Variants in IFT20 observed in about 807,000 individuals in gnomAD.
IFT20 encodes the protein intraflagellar transport protein 20 homolog.
IFT20 carries 4 observed loss-of-function variants against 16.9 expected under a neutral mutation model. That is an observed-to-expected ratio of 0.24 (90% CI 0.12 to 0.54). IFT20 has a LOEUF of 0.54. IFT20 is among the 20% of genes least tolerant of loss of function. The probability of loss-of-function intolerance (pLI) is 0.95; values close to 1 mark genes in which losing one functional copy is unlikely to be tolerated. For synonymous variants in IFT20, 48 were observed against 49.9 expected, an observed-to-expected ratio of 0.96 and a Z score of 0.16; for missense variants, 154 against 149.7, an observed-to-expected ratio of 1.03 and a Z score of -0.15.
intron 1 of IFT20, 159 bp from the exon 2 acceptor site, chr17:28,332,146 C>CTGTT (rs1555576663): frequency 1.9e-6 from 3 of 1,548,938 alleles, no homozygotes; most frequent in Non-Finnish European, 2.6e-6. Context: ...TGAGCCTCAC[C>CTGTT]TGTTTCCCAT....
chr17:28,329,809 C>T (rs2142366626), intron 3 of IFT20: 1 of 188,912 alleles, frequency 5.3e-6, no homozygotes, highest in African/African-American at 2.3e-5. Context: ...CGCCTTAATC[C>T]CAGCACTTTG....
At position 28,328,573 on chromosome 17, in the gene IFT20, G is replaced by T; in HGVS notation, c.*79C>A. 1.2e-6 allele frequency: 1 copy of T among 865,478 alleles called. No individual in the cohort carries two copies. The highest frequency in any genetic ancestry group is 1.9e-6 in the Non-Finnish European group (1 of 538,902). The allele number at this position is 865,478 out of a possible 1,614,324, so 53.6% of individuals were successfully genotyped here. A position where few individuals can be genotyped will look rare whatever the true frequency, so the allele number is the denominator to read the frequency against. Reference sequence around the variant, plus strand: ...GACATAGGTCATTGGTCAAGCCGCTGGAATGCTACAGAGGTTTTTTTGGTT... The same window carrying T: ...GACATAGGTCATTGGTCAAGCCGCTTGAATGCTACAGAGGTTTTTTTGGTT... On this transcript the variant is annotated 3_prime_UTR_variant, in exon 5 of 5. Transcript: ENST00000395418.
chr17:28,329,788 G>A (rs913735406), intron 3 of IFT20: 11 of 174,312 alleles, frequency 6.3e-5, no homozygotes, highest in Middle Eastern at 2.3e-3. Flanking sequence ...ATGGCCGGGC[G>A]CAGTCACTCA....
chr17:28,332,314 C>T (rs1906844875), intron 1 of IFT20: 1 of 1,037,690 alleles, frequency 9.6e-7, no homozygotes, highest in East Asian at 2.6e-5. Flanking sequence ...TACATGCCAA[C>T]ACTGCTAGAT....
intron 2 of IFT20, 87 bp from the exon 3 acceptor site, chr17:28,330,615 C>T (rs1231951316): frequency 6.9e-6 from 6 of 864,630 alleles, no homozygotes; most frequent in African/African-American, 1.7e-5. Context: ...GAGGGCAGAG[C>T]GGACTGCCCC....
intron 1 of IFT20, among the ~76,000 whole-genome samples, chr17:28,332,905 C>T (rs564444463): frequency 6.6e-6 from 1 of 152,188 alleles, no homozygotes; most frequent in Admixed American, 6.5e-5. Flanking sequence ...TGGAGCCAGA[C>T]CAGGAAGACC....
chr17:28,334,829 T>A (rs1407921314), intron 1 of IFT20, among the ~76,000 whole-genome samples: 11 of 152,098 alleles, frequency 7.2e-5, no homozygotes, highest in African/African-American at 2.7e-4. Context: ...ATGTGGGGGT[T>A]TGGGGATAAG....
rs1386998355 is a variant in IFT20 at position 28,329,575 on chromosome 17, C to T, written c.214-299G>A. The T allele has an allele frequency of 2.0e-5, 6 of 295,032 alleles. No homozygotes were observed. The South Asian group carries it at 4.0e-4, about 20-fold the overall frequency. The allele number at this position is 295,032 out of a possible 1,614,324, so 18.3% of individuals were successfully genotyped here. A position where few individuals can be genotyped will look rare whatever the true frequency, so the allele number is the denominator to read the frequency against. ...CCTTTCACCAATCATACTATGTAAG[C>T]CTTCATTTCTTCATTTATAAAATGA... On this transcript the variant is annotated intron_variant, in intron 3 of 4. Transcript: ENST00000395418.
At chr17:28,334,584 C>G (rs1362718236) in intron 1 of IFT20, among the ~76,000 whole-genome samples, 1 of 152,234 alleles carries the variant, frequency 6.6e-6, no homozygotes, top group African/African-American at 2.4e-5. Flanking sequence ...CCTGAGAGAA[C>G]CGATTGGAGG....
At chr17:28,329,010 T>A (rs1555575991) in intron 4 of IFT20, 163 bp downstream of exon 4, 1 of 631,922 alleles carries the variant, frequency 1.6e-6, no homozygotes, top group Non-Finnish European at 2.8e-6. Context: ...TTCCTTCCCA[T>A]CAAATGTAAT....
chr17:28,330,496 AACC>A lies in IFT20; in HGVS notation c.157_159del (p.Gly53del), dbSNP rs1555576388. 2.5e-6 allele frequency: 4 copies of A among 1,613,602 alleles called. No homozygotes were observed. Among genetic ancestry groups the A allele is most frequent in the Non-Finnish European group, 3.4e-6 (4 of 1,179,668 alleles). On this transcript the variant is annotated inframe_deletion, in exon 3 of 5. Coordinates refer to ENST00000395418, the MANE Select transcript of IFT20 (RefSeq NM_001267776.2). ...GCAAGTTGATCAACAAGCTCAATTA[AACC>A]ACCAACTATTTTCTGAAACTGGCCA...
intron 1 of IFT20, among the ~76,000 whole-genome samples, chr17:28,333,072 AACACACACACACACAC>A (rs56753724): frequency 0.026 from 3,799 of 144,572 alleles, 170 homozygotes; most frequent in African/African-American, 0.089. Context: ...TCTGGCTCAA[AACACACACACACACAC>A]ACACACACAC....
At position 28,328,911 on chromosome 17, in the gene IFT20, G is replaced by A. The variant is rs1299437541; in HGVS notation, c.318-178C>T. ...ACCCATGAGAAATCTCCAGCCCTAG[G>A]AAAGTCTTCTTTCAGAGAGCCAGCC... On this transcript the variant is annotated intron_variant, in intron 4 of 4. Transcript: ENST00000395418. The A allele has an allele frequency of 2.7e-5, 17 of 631,446 alleles. No individual in the cohort carries two copies. In the African/African-American group the frequency reaches 2.8e-4, roughly 10 times the overall value. 39.1% of individuals were successfully genotyped at this position (631,446 alleles called of 1,614,324 possible).
chr17:28,329,396 G>A, intron 3 of IFT20, 120 bp from the exon 4 acceptor site: 1 of 747,134 alleles, frequency 1.3e-6, no homozygotes. Context: ...AGAAAGTGGA[G>A]CCCCAAAGCT....
At chr17:28,332,204 C>A in intron 1 of IFT20, 2 of 1,536,612 alleles carry the variant, frequency 1.3e-6, no homozygotes, top group South Asian at 2.4e-5. Context: ...CAGTGGCAGT[C>A]AGGAGGAGGT....
rs142298933 is a variant in IFT20 at position 28,331,049 on chromosome 17, C to T, written c.128-521G>A. Among the ~76,000 whole-genome samples, 136 of 152,322 alleles carry T rather than the reference C, an allele frequency of 8.9e-4. 1 individual carries two copies. Among genetic ancestry groups the T allele is most frequent in the African/African-American group, 3.1e-3 (130 of 41,564 alleles). Reference sequence around the variant, plus strand: ...CAAAAGGGCAGCCTCAGGACACAAGCGCTGCCTCTGGACTAGCTACAGGTA... The same window carrying T: ...CAAAAGGGCAGCCTCAGGACACAAGTGCTGCCTCTGGACTAGCTACAGGTA... On this transcript the variant is annotated intron_variant, in intron 2 of 4. Coordinates refer to ENST00000395418, the MANE Select transcript of IFT20 (RefSeq NM_001267776.2).
Position 28,328,709 on chromosome 17 carries a change from C to G in IFT20, c.342G>C (p.Leu114Phe), listed in dbSNP as rs1906499954. The G allele has an allele frequency of 6.2e-7, 1 of 1,602,282 alleles. No individual in the cohort carries two copies. Among genetic ancestry groups the G allele is most frequent in the Non-Finnish European group, 8.5e-7 (1 of 1,175,224 alleles). Residue 114 changes from leucine (L) to phenylalanine (F), a missense_variant, in exon 5 of 5, where the codon TTG becomes TTC. Physicochemically the swap from Leu to Phe is conservative, Grantham distance 22 (BLOSUM62 0). Coordinates refer to ENST00000395418, the MANE Select transcript of IFT20 (RefSeq NM_001267776.2). ...CATTTTGTTCTGCTTCTACTTTACACAAAGCTTCATATTCAACCCGATACC... is the reference window on the plus strand; with the variant it reads ...CATTTTGTTCTGCTTCTACTTTACAGAAAGCTTCATATTCAACCCGATACC... Reference protein sequence around the residue: ...LERYRVEYEALCKVEAEQNEF... With the variant: ...LERYRVEYEAFCKVEAEQNEF...
intron 1 of IFT20, chr17:28,332,502 G>T: frequency 3.2e-6 from 1 of 313,558 alleles, no homozygotes; most frequent in Non-Finnish European, 6.1e-6. Context: ...TGTGAACTAA[G>T]TTGTAAGCCA....
At chr17:28,334,829 T>C (rs1407921314) in intron 1 of IFT20, among the ~76,000 whole-genome samples, 1 of 152,098 alleles carries the variant, frequency 6.6e-6, no homozygotes, top group African/African-American at 2.4e-5. Flanking sequence ...ATGTGGGGGT[T>C]TGGGGATAAG....
Sources: allele counts gnomAD v4.1 joint callset (sites outside exome capture counted in the v4.1 genomes callset), GRCh38; gene constraint gnomAD v4.1.1; transcripts MANE v1.5; gene names NCBI Gene and HGNC (gene_info 2026-07-23, HGNC 2026-07-21).